MCPH1: variants seen among roughly 807,000 people sequenced by gnomAD.
MCPH1 encodes the protein microcephalin.
Under a neutral mutation model 84.5 loss-of-function variants are expected in MCPH1, and 104 were observed. The ratio of observed to expected loss-of-function variants is 1.23; its 90% CI spans 1.05 to 1.45. MCPH1 has a LOEUF of 1.45. MCPH1 is among the 40% of genes most tolerant of loss of function. The pLI, the probability that MCPH1 is intolerant of heterozygous loss-of-function variation, is 0.00. For synonymous variants in MCPH1, 514 were observed against 366.8 expected, an observed-to-expected ratio of 1.40 and a Z score of -4.58; for missense variants, 1,498 against 1,005.7, an observed-to-expected ratio of 1.49 and a Z score of -6.62.
intron 10 of MCPH1, 89 bp downstream of exon 10, chr8:6,477,720 C>T: frequency 1.0e-6 from 1 of 975,700 alleles, no homozygotes; most frequent in South Asian, 1.3e-5. Flanking sequence ...GGCAACTTGT[C>T]AATCTGTCCT....
chr8:6,634,486 A>C (rs1194358814), intron 13 of MCPH1, among the ~76,000 whole-genome samples: 1 of 141,428 alleles, frequency 7.1e-6, no homozygotes, highest in East Asian at 2.0e-4. Context: ...TGCCAAGGAC[A>C]GAATGACTGT....
chr8:6,571,020 T>C (rs529172980), intron 12 of MCPH1, among the ~76,000 whole-genome samples: 1 of 152,142 alleles, frequency 6.6e-6, no homozygotes, highest in Non-Finnish European at 1.5e-5. Flanking sequence ...AAAAAAAAAT[T>C]CCTTGAGTTT....
In MCPH1 at chr8:6,505,208, A is replaced by AAT. The variant is rs71213310; in HGVS notation, c.2214+5292_2214+5293dup. 7.4e-3 allele frequency among the ~76,000 whole-genome samples: 444 copies of AAT among 60,016 alleles called. 16 individuals are homozygous for AAT. Among genetic ancestry groups the AAT allele is most frequent in the Middle Eastern group, 0.011 (1 of 94 alleles). The allele number at this position is 60,016 out of a possible 152,430, so 39.4% of individuals were successfully genotyped here. Reference sequence around the variant, plus strand: ...TATATATATTCTTATGTATATATAGAATATATATATATATTCTTATGTATA... The same window carrying AAT: ...TATATATATTCTTATGTATATATAGAATATATATATATATATTCTTATGTATA... On this transcript the variant is annotated intron_variant, in intron 12 of 13. Coordinates refer to ENST00000344683, the MANE Select transcript of MCPH1 (RefSeq NM_024596.5).
intron 12 of MCPH1, among the ~76,000 whole-genome samples, chr8:6,520,554 C>T (rs1383283221): frequency 1.3e-5 from 2 of 152,064 alleles, no homozygotes; most frequent in African/African-American, 4.8e-5. Context: ...CACCACCAAG[C>T]CCAGCTAATT....
intron 12 of MCPH1, among the ~76,000 whole-genome samples, chr8:6,537,545 CATAT>C (rs35477464): frequency 1.4e-4 from 21 of 149,026 alleles, no homozygotes; most frequent in Non-Finnish European, 2.2e-4. Context: ...TTTAATGCAA[CATAT>C]ATATATATAT....
chr8:6,502,779 AT>A, intron 12 of MCPH1: 1 of 335,834 alleles, frequency 3.0e-6, no homozygotes, highest in South Asian at 4.2e-5. Flanking sequence ...TTATTTACTG[AT>A]AAACTTGCAC....
intron 13 of MCPH1, among the ~76,000 whole-genome samples, chr8:6,630,847 A>T (rs1563216903): frequency 6.6e-6 from 1 of 152,146 alleles, no homozygotes; most frequent in Non-Finnish European, 1.5e-5. Context: ...TTAAAAAGTA[A>T]CAATTTGAAA....
At chr8:6,493,483 C>G (rs1226421111) in intron 11 of MCPH1, among the ~76,000 whole-genome samples, 2 of 152,156 alleles carry the variant, frequency 1.3e-5, no homozygotes, top group East Asian at 1.9e-4. Flanking sequence ...TAACTATATA[C>G]TTTTAGTACT....
chr8:6,429,806 T>C (rs770932067), intron 3 of MCPH1, among the ~76,000 whole-genome samples: 4 of 152,082 alleles, frequency 2.6e-5, no homozygotes, highest in Non-Finnish European at 5.9e-5. Flanking sequence ...GTTATTGCAG[T>C]ATTCCCTGAC....
chr8:6,473,483 C>G (rs1808036878), intron 9 of MCPH1, among the ~76,000 whole-genome samples: 1 of 151,988 alleles, frequency 6.6e-6, no homozygotes, highest in Admixed American at 6.6e-5. Context: ...AGGTGCCCAC[C>G]ACCATGCCCG....
intron 12 of MCPH1, among the ~76,000 whole-genome samples, chr8:6,530,250 G>A (rs528074758): frequency 6.6e-6 from 1 of 152,066 alleles, no homozygotes; most frequent in Non-Finnish European, 1.5e-5. Flanking sequence ...GCTCACGCCT[G>A]TGATCCCAGC....
At chr8:6,449,618 A>T (rs1295241462) in intron 8 of MCPH1, among the ~76,000 whole-genome samples, 3 of 151,740 alleles carry the variant, frequency 2.0e-5, no homozygotes, top group Non-Finnish European at 4.4e-5. Flanking sequence ...GGACAACGAG[A>T]GTGAAACTCC....
intron 12 of MCPH1, among the ~76,000 whole-genome samples, chr8:6,541,784 A>T (rs1293899407): frequency 6.6e-6 from 1 of 152,158 alleles, no homozygotes; most frequent in African/African-American, 2.4e-5. Flanking sequence ...TAGGAGGATC[A>T]CTTGAGGTCA....
intron 12 of MCPH1, among the ~76,000 whole-genome samples, chr8:6,601,246 C>T (rs1465599333): frequency 6.6e-6 from 1 of 152,204 alleles, no homozygotes; most frequent in Non-Finnish European, 1.5e-5. Context: ...GCAGGTGCAT[C>T]TCTGGAAAAC....
rs187117872 is a variant in MCPH1, at chr8:6,506,106, C to A, written c.2214+6177C>A. The stretch of plus-strand genomic sequence containing the variant: ...TTTCATCCAGGTTCCTACATTGTTT[C>A]TTGGTGGTAACAGCTCAGTGACTTC... On this transcript the variant is annotated intron_variant, in intron 12 of 13. Coordinates refer to ENST00000344683, the MANE Select transcript of MCPH1 (RefSeq NM_024596.5). 2.7e-5 allele frequency among the ~76,000 whole-genome samples: 4 copies of A among 150,840 alleles called. No homozygotes were observed. In the East Asian group the frequency reaches 7.8e-4, roughly 29 times the overall value.
intron 12 of MCPH1, among the ~76,000 whole-genome samples, chr8:6,576,420 A>T (rs537763395): frequency 9.2e-5 from 14 of 152,230 alleles, no homozygotes; most frequent in African/African-American, 2.2e-4. Flanking sequence ...CCTCGCTAAA[A>T]TGAACTCGTT....
chr8:6,576,101 C>G (rs1827068395), intron 12 of MCPH1, among the ~76,000 whole-genome samples: 3 of 151,200 alleles, frequency 2.0e-5, no homozygotes, highest in Admixed American at 2.0e-4. Context: ...ATAACGCTAC[C>G]TTGCAGCCTC....
intron 12 of MCPH1, among the ~76,000 whole-genome samples, chr8:6,510,970 G>C (rs997477674): frequency 6.6e-6 from 1 of 152,174 alleles, no homozygotes; most frequent in Non-Finnish European, 1.5e-5. Flanking sequence ...ACTCATCTCT[G>C]TTGGGATTTT....
rs199667940 is a variant in MCPH1, at chr8:6,480,899, G to A, written c.2136+23G>A. 336 of 1,612,368 alleles carry A rather than the reference G, an allele frequency of 2.1e-4. 2 individuals carry two copies. The African/African-American group carries it at 3.1e-3, about 15-fold the overall frequency. On this transcript the variant is annotated intron_variant, in intron 11 of 13. Coordinates refer to ENST00000344683, the MANE Select transcript of MCPH1 (RefSeq NM_024596.5). ...TGGGTAAGCCCTGTGTGTGAACTGC[G>A]TATTTTAAAACAAGGCATTTTGATA...
Sources: allele counts gnomAD v4.1 joint callset (sites outside exome capture counted in the v4.1 genomes callset), GRCh38; gene constraint gnomAD v4.1.1; transcripts MANE v1.5; gene names NCBI Gene and HGNC (gene_info 2026-07-23, HGNC 2026-07-21).